The following NR3C2 variants were observed in gnomAD, a reference collection of about 807,000 sequenced individuals.
The protein encoded by NR3C2 is nuclear receptor subfamily 3 group C member 2, also known as mineralocorticoid receptor.
Under a neutral mutation model 86.4 loss-of-function variants are expected in NR3C2, and 15 were observed. That is an observed-to-expected ratio of 0.17 (90% confidence interval 0.12 to 0.27). NR3C2 has a LOEUF of 0.27. Among genes scored for constraint, NR3C2 ranks in the 10% least tolerant of loss-of-function variants. The pLI is 1.00. For missense variants in NR3C2, 960 were observed against 1,195.6 expected, an observed-to-expected ratio of 0.80 and a Z score of 2.91; for synonymous variants, 458 against 450.5, an observed-to-expected ratio of 1.02 and a Z score of -0.21.
At chr4:148,177,366 T>G (rs754757782) in intron 4 of NR3C2, among the ~76,000 whole-genome samples, 14 of 152,210 alleles carry the variant, frequency 9.2e-5, no homozygotes, top group Non-Finnish European at 2.1e-4. Flanking sequence ...CATTTACTAC[T>G]AAGACTGAAG....
chr4:148,403,919 T>A (rs936316008), intron 2 of NR3C2, among the ~76,000 whole-genome samples: 10 of 152,102 alleles, frequency 6.6e-5, no homozygotes, highest in Non-Finnish European at 1.5e-4. Context: ...TGATAATTTG[T>A]TAAATATGTA....
chr4:148,252,568 G>T (rs1368062126), intron 3 of NR3C2, among the ~76,000 whole-genome samples: 1 of 152,140 alleles, frequency 6.6e-6, no homozygotes, highest in Non-Finnish European at 1.5e-5. Flanking sequence ...CAAATCAGAT[G>T]AAAAGAGCAG....
At chr4:148,180,842 C>A (rs1354652748) in intron 4 of NR3C2, among the ~76,000 whole-genome samples, 3 of 152,022 alleles carry the variant, frequency 2.0e-5, no homozygotes, top group Non-Finnish European at 4.4e-5. Flanking sequence ...TAAGTGTTTT[C>A]CCCACTGTGG....
intron 2 of NR3C2, among the ~76,000 whole-genome samples, chr4:148,418,795 C>G (rs1242685193): frequency 6.6e-6 from 1 of 152,174 alleles, no homozygotes; most frequent in Non-Finnish European, 1.5e-5. Flanking sequence ...GTTAGTGTCA[C>G]TATTTTACAG....
At chr4:148,137,632 T>C (rs1376398449) in intron 6 of NR3C2, among the ~76,000 whole-genome samples, 1 of 152,190 alleles carries the variant, frequency 6.6e-6, no homozygotes, top group African/African-American at 2.4e-5. Context: ...CAGGCGGAAT[T>C]AGAGTCTGGG....
At chr4:148,106,211 C>T (rs1373436933) in intron 8 of NR3C2, among the ~76,000 whole-genome samples, 3 of 152,172 alleles carry the variant, frequency 2.0e-5, no homozygotes, top group Non-Finnish European at 2.9e-5. Flanking sequence ...CATTGCCATA[C>T]ACCAACAATA....
chr4:148,212,903 T>C (rs1448479387), intron 3 of NR3C2, among the ~76,000 whole-genome samples: 1 of 152,180 alleles, frequency 6.6e-6, no homozygotes, highest in Non-Finnish European at 1.5e-5. Flanking sequence ...AAATATTTGC[T>C]TGCAAGAAGT....
chr4:148,094,500 G>T (rs1378032548), intron 8 of NR3C2, among the ~76,000 whole-genome samples: 1 of 152,182 alleles, frequency 6.6e-6, no homozygotes, highest in Non-Finnish European at 1.5e-5. Context: ...GACCACCTGA[G>T]ATCAGGAATT....
chr4:148,292,668 G>A (rs1741854169), intron 2 of NR3C2, among the ~76,000 whole-genome samples: 1 of 151,998 alleles, frequency 6.6e-6, no homozygotes, highest in African/African-American at 2.4e-5. Context: ...GGTCTGACGG[G>A]GAGTAAGGAA....
intron 3 of NR3C2, among the ~76,000 whole-genome samples, chr4:148,229,483 G>C (rs1188581915): frequency 6.6e-6 from 1 of 152,140 alleles, no homozygotes; most frequent in Non-Finnish European, 1.5e-5. Context: ...TAAGGTTATA[G>C]TCCTGTGTGT....
intron 4 of NR3C2, among the ~76,000 whole-genome samples, chr4:148,176,905 C>T (rs916248630): frequency 6.6e-6 from 1 of 152,098 alleles, no homozygotes; most frequent in Non-Finnish European, 1.5e-5. Context: ...TATTTTCATT[C>T]CCATTTAAAA....
intron 2 of NR3C2, among the ~76,000 whole-genome samples, chr4:148,283,784 A>G (rs987745516): frequency 6.6e-5 from 10 of 152,266 alleles, no homozygotes; most frequent in Non-Finnish European, 1.5e-4. Flanking sequence ...CAAAGAATGT[A>G]GTACATTGTA....
intron 4 of NR3C2, among the ~76,000 whole-genome samples, chr4:148,182,001 C>A (rs1281222578): frequency 6.6e-6 from 1 of 152,152 alleles, no homozygotes; most frequent in East Asian, 1.9e-4. Context: ...TGCTAACCAA[C>A]TAATCAGATA....
chr4:148,170,416 T>C (rs1458797230), intron 4 of NR3C2, among the ~76,000 whole-genome samples: 1 of 149,196 alleles, frequency 6.7e-6, no homozygotes, highest in South Asian at 2.1e-4. Context: ...AGTCATAAAC[T>C]CAAAAGTGAA....
At chr4:148,322,983 TTC>T (rs1561041890) in intron 2 of NR3C2, among the ~76,000 whole-genome samples, 1 of 150,454 alleles carries the variant, frequency 6.6e-6, no homozygotes, top group Admixed American at 6.7e-5. Flanking sequence ...AGTTTTTCTG[TTC>T]TGTTTTTTCC....
At chr4:148,260,944 C>T (rs1211910891) in intron 2 of NR3C2, among the ~76,000 whole-genome samples, 1 of 152,156 alleles carries the variant, frequency 6.6e-6, no homozygotes, top group East Asian at 1.9e-4. Context: ...GATAAGGAAT[C>T]ATAGTTCAGT....
chr4:148,198,152 A>G (rs1226790555), intron 3 of NR3C2, among the ~76,000 whole-genome samples: 1 of 152,186 alleles, frequency 6.6e-6, no homozygotes, highest in Non-Finnish European at 1.5e-5. Context: ...AAAATGCCTT[A>G]TGGACTTAAA....
chr4:148,414,334 T>C (rs1748891008), intron 2 of NR3C2, among the ~76,000 whole-genome samples: 1 of 152,182 alleles, frequency 6.6e-6, no homozygotes, highest in African/African-American at 2.4e-5. Flanking sequence ...CAAATCTGAT[T>C]TGAACTTTGT....
At chr4:148,402,246 TTA>T (rs1175094390) in intron 2 of NR3C2, among the ~76,000 whole-genome samples, 3 of 152,136 alleles carry the variant, frequency 2.0e-5, no homozygotes, top group African/African-American at 7.2e-5. Context: ...CCAGATCAAA[TTA>T]TGTTTCAGTA....
Sources: gnomAD v4.1 joint callset for allele counts (sites outside exome capture counted in the v4.1 genomes callset) on GRCh38, gnomAD v4.1.1 for gene constraint, MANE v1.5 for transcripts, NCBI Gene and HGNC (gene_info 2026-07-23, HGNC 2026-07-21) for gene names.